EPB41L4A: variants seen among roughly 807,000 people sequenced by gnomAD.
EPB41L4A encodes the protein band 4.1-like protein 4A.
A neutral mutation model predicts 108.6 loss-of-function variants in EPB41L4A; 100 were observed. The ratio of observed to expected loss-of-function variants is 0.92; its 90% CI spans 0.78 to 1.09. The LOEUF is 1.09. Ranked by LOEUF, EPB41L4A falls within the 50% of genes least tolerant of loss-of-function variation. The probability of loss-of-function intolerance (pLI) is 0.00; values close to 1 mark genes in which losing one functional copy is unlikely to be tolerated. For synonymous variants in EPB41L4A, 319 were observed against 289.0 expected (o/e 1.10, Z -1.05); for missense variants, 1,030 against 842.7 (o/e 1.22, Z -2.75).
At chr5:112,229,987 C>CAAAAA (rs71224877) in intron 12 of EPB41L4A, among the ~76,000 whole-genome samples, 10 of 77,228 alleles carry the variant, frequency 1.3e-4, no homozygotes, top group Middle Eastern at 8.3e-3. Context: ...GACTCTGTCT[C>CAAAAA]AAAAAAAAAA....
In EPB41L4A at chr5:112,194,646, C is replaced by T; in HGVS notation, c.1425-1G>A. ...GCTGGTGTTACAGCGTGAACGTGAC[C>T]TGAAGACAAAAAGGTAAGAACAAAA... is the stretch of plus-strand genomic sequence containing the variant. On this transcript the variant is annotated splice_acceptor_variant, in intron 16 of 22. Transcript: ENST00000261486. LOFTEE classifies it high-confidence loss of function. 6.3e-7 allele frequency: 1 copy of T among 1,595,074 alleles called. No individual in the cohort carries two copies. Among genetic ancestry groups the T allele is most frequent in the African/African-American group, 1.4e-5 (1 of 73,796 alleles).
intron 17 of EPB41L4A, among the ~76,000 whole-genome samples, chr5:112,187,069 A>AGAATAAAATACCACAAACATTGTTTT (rs1197713091): frequency 2.5e-4 from 38 of 152,228 alleles, no homozygotes; most frequent in South Asian, 2.1e-4. Flanking sequence ...TACATCATGA[A>AGAATAAAATACCACAAACATTGTTTT]GAATAAAATA....
intron 12 of EPB41L4A, among the ~76,000 whole-genome samples, chr5:112,218,788 T>C (rs769918204): frequency 2.8e-4 from 42 of 152,164 alleles, no homozygotes; most frequent in Non-Finnish European, 5.7e-4. Context: ...AAGGACTCTG[T>C]AGTGTTTTAT....
At chr5:112,330,461 T>C (rs186629453) in intron 1 of EPB41L4A, among the ~76,000 whole-genome samples, 1 of 152,270 alleles carries the variant, frequency 6.6e-6, no homozygotes, top group Non-Finnish European at 1.5e-5. Flanking sequence ...ACCTCTCGCA[T>C]TGTCTTAAGT....
At chr5:112,345,079 T>C (rs1757551420) in intron 1 of EPB41L4A, among the ~76,000 whole-genome samples, 1 of 152,236 alleles carries the variant, frequency 6.6e-6, no homozygotes, top group Non-Finnish European at 1.5e-5. Context: ...TTATAATGAC[T>C]TGGTATTACT....
chr5:112,377,946 G>A (rs528881225), intron 1 of EPB41L4A, among the ~76,000 whole-genome samples: 27 of 152,166 alleles, frequency 1.8e-4, no homozygotes, highest in Admixed American at 1.4e-3. Flanking sequence ...AGCATATCTA[G>A]GACAAGAAGA....
At chr5:112,229,041 C>T (rs1246008604) in intron 12 of EPB41L4A, among the ~76,000 whole-genome samples, 1 of 152,278 alleles carries the variant, frequency 6.6e-6, no homozygotes, top group East Asian at 1.9e-4. Context: ...AACTGGGATG[C>T]AAGTTAAGGG....
chr5:112,343,367 T>C (rs1757440699), intron 1 of EPB41L4A, among the ~76,000 whole-genome samples: 1 of 152,184 alleles, frequency 6.6e-6, no homozygotes, highest in Admixed American at 6.5e-5. Flanking sequence ...GAATTTCAAC[T>C]TTGGTACTTA....
In EPB41L4A at chr5:112,204,379, T is replaced by A; in HGVS notation, c.1372A>T (p.Arg458Trp). The A allele has an allele frequency of 6.2e-7, 1 of 1,609,018 alleles. No individual in the cohort carries two copies. Among genetic ancestry groups the A allele is most frequent in the Non-Finnish European group, 8.5e-7 (1 of 1,175,506 alleles). The change falls in exon 15 of 23, where the codon AGG (arginine) becomes TGG (tryptophan). Residue 458 changes from arginine to tryptophan, a missense_variant. Coordinates refer to ENST00000261486, the MANE Select transcript of EPB41L4A (RefSeq NM_022140.5). Reference sequence around the variant, plus strand: ...GAGAGATTGTGTTCCGCTTACCTCCTCCTCACAGGCTGTACAGAATCATTG... The same window carrying A: ...GAGAGATTGTGTTCCGCTTACCTCCACCTCACAGGCTGTACAGAATCATTG... Reference protein sequence around the residue: ...SDNDSVQPVRRRKAHNSGEDS... With the variant: ...SDNDSVQPVRWRKAHNSGEDS...
intron 9 of EPB41L4A, among the ~76,000 whole-genome samples, chr5:112,253,927 G>C (rs990639104): frequency 6.6e-6 from 1 of 152,076 alleles, no homozygotes; most frequent in Non-Finnish European, 1.5e-5. Context: ...GAGACCTCTT[G>C]CGCTTGTTGA....
intron 1 of EPB41L4A, among the ~76,000 whole-genome samples, chr5:112,336,855 G>C (rs1030797237): frequency 2.6e-5 from 4 of 152,148 alleles, no homozygotes; most frequent in Non-Finnish European, 4.4e-5. Context: ...ACTTTCTCAA[G>C]GCCATGTCTA....
At chr5:112,250,845 T>C (rs1347218534) in intron 9 of EPB41L4A, 9 of 152,140 alleles carry the variant, frequency 5.9e-5, no homozygotes, top group African/African-American at 1.7e-4. Context: ...CAGTTCCAAC[T>C]CAGAGACACA....
At chr5:112,158,912 A>C (rs770873304), downstream of EPB41L4A, among the ~76,000 whole-genome samples, 11 of 152,198 alleles carry the variant, frequency 7.2e-5, no homozygotes, top group Non-Finnish European at 1.6e-4. Flanking sequence ...CAAGAAGGCA[A>C]GACTAAGGCA....
chr5:112,360,118 C>A (rs1187691722), intron 1 of EPB41L4A, among the ~76,000 whole-genome samples: 3 of 152,110 alleles, frequency 2.0e-5, no homozygotes, highest in Non-Finnish European at 4.4e-5. Context: ...CAATAGGAAT[C>A]CAACAATTTG....
At chr5:112,242,183 G>T (rs1365089895) in intron 9 of EPB41L4A, among the ~76,000 whole-genome samples, 3 of 152,174 alleles carry the variant, frequency 2.0e-5, no homozygotes, top group Non-Finnish European at 2.9e-5. Context: ...TCTGCAGCAC[G>T]TGATATTGTT....
intron 1 of EPB41L4A, among the ~76,000 whole-genome samples, chr5:112,416,048 C>A (rs772032016): frequency 6.6e-6 from 1 of 150,840 alleles, no homozygotes; most frequent in African/African-American, 2.5e-5. Flanking sequence ...TTCCATTTAA[C>A]TGATATTCAT....
intron 1 of EPB41L4A, among the ~76,000 whole-genome samples, chr5:112,375,892 C>A (rs1464733609): frequency 6.6e-6 from 1 of 152,164 alleles, no homozygotes; most frequent in Non-Finnish European, 1.5e-5. Context: ...TAGAGAGGAG[C>A]AACATCCCTG....
intron 1 of EPB41L4A, among the ~76,000 whole-genome samples, chr5:112,401,740 G>A (rs548582067): frequency 6.6e-6 from 1 of 152,272 alleles, no homozygotes; most frequent in Non-Finnish European, 1.5e-5. Flanking sequence ...TAGTGTCAAT[G>A]ACTCTTCCAT....
intron 1 of EPB41L4A, among the ~76,000 whole-genome samples, chr5:112,414,224 T>C (rs901857913): frequency 2.6e-5 from 4 of 152,108 alleles, no homozygotes; most frequent in African/African-American, 7.2e-5. Context: ...AGATAACATA[T>C]TGTTTTCACT....
Sources: gnomAD v4.1 joint callset for allele counts (sites outside exome capture counted in the v4.1 genomes callset) on GRCh38, gnomAD v4.1.1 for gene constraint, MANE v1.5 for transcripts, NCBI Gene and HGNC (gene_info 2026-07-23, HGNC 2026-07-21) for gene names.